The following DTNA variants were observed in gnomAD, a reference collection of about 807,000 sequenced individuals.
DTNA encodes dystrophin-related protein 3.
Under a neutral mutation model 100.7 loss-of-function variants are expected in DTNA, and 43 were observed. That is an observed-to-expected ratio of 0.43 (90% CI 0.33 to 0.55). The LOEUF (loss-of-function observed/expected upper bound fraction) is 0.55, where lower values mean the gene tolerates loss of function less well. Among genes scored for constraint, DTNA ranks in the 20% least tolerant of loss-of-function variants. The probability of loss-of-function intolerance (pLI) is 0.04; values close to 1 mark genes in which losing one functional copy is unlikely to be tolerated. For synonymous variants in DTNA, 349 were observed against 347.9 expected (o/e 1.00, Z -0.04); for missense variants, 798 against 953.9 (o/e 0.84, Z 2.15).
At chr18:34,601,542 G>C (rs1229408572) in intron 1 of DTNA, among the ~76,000 whole-genome samples, 1 of 152,108 alleles carries the variant, frequency 6.6e-6, no homozygotes, top group Non-Finnish European at 1.5e-5. Context: ...AGAGCTCTGA[G>C]GAATTTCTAC....
At chr18:34,599,902 TCCTGA>T in intron 1 of DTNA, among the ~76,000 whole-genome samples, 1 of 152,174 alleles carries the variant, frequency 6.6e-6, no homozygotes, top group South Asian at 2.1e-4. Flanking sequence ...TGATTCGAAC[TCCTGA>T]CCTCAAGCGA....
chr18:34,783,420 T>C (rs888961331), intron 3 of DTNA, among the ~76,000 whole-genome samples: 1 of 152,164 alleles, frequency 6.6e-6, no homozygotes, highest in Non-Finnish European at 1.5e-5. Context: ...TTCATGAAGG[T>C]TTATTACATC....
chr18:34,731,625 ACTGTACTTC>A (rs2088258329), intron 1 of DTNA, among the ~76,000 whole-genome samples: 1 of 152,224 alleles, frequency 6.6e-6, no homozygotes, highest in African/African-American at 2.4e-5. Context: ...GTTTGCAGTA[ACTGTACTTC>A]TTTGAGTATC....
At chr18:34,494,607 A>G (rs1270505466) in intron 1 of DTNA, among the ~76,000 whole-genome samples, 2 of 151,466 alleles carry the variant, frequency 1.3e-5, no homozygotes, top group Non-Finnish European at 2.9e-5. Context: ...TTTGCTGTTT[A>G]GTAGGCTTGG....
At chr18:34,563,731 T>C (rs1040660939) in intron 1 of DTNA, among the ~76,000 whole-genome samples, 1 of 152,208 alleles carries the variant, frequency 6.6e-6, no homozygotes, top group African/African-American at 2.4e-5. Context: ...AAAGTGATAT[T>C]ACTCTCCACT....
chr18:34,596,973 C>G (rs56145131), intron 1 of DTNA, among the ~76,000 whole-genome samples: 12,448 of 151,996 alleles, frequency 0.082, 648 homozygotes, highest in African/African-American at 0.13. Flanking sequence ...ATCTACATCA[C>G]GTATTTCTCC....
At chr18:34,524,471 T>C (rs1303566915) in intron 1 of DTNA, among the ~76,000 whole-genome samples, 1 of 152,118 alleles carries the variant, frequency 6.6e-6, no homozygotes, top group Non-Finnish European at 1.5e-5. Context: ...AAAAAATCTT[T>C]TGGAAGTCAG....
chr18:34,497,031 A>C (rs2039319244), intron 1 of DTNA, among the ~76,000 whole-genome samples: 1 of 152,154 alleles, frequency 6.6e-6, no homozygotes, highest in South Asian at 2.1e-4. Flanking sequence ...CACATGGAAC[A>C]TGTGCTACCT....
At chr18:34,511,151 A>G (rs1026449119) in intron 1 of DTNA, among the ~76,000 whole-genome samples, 22 of 152,134 alleles carry the variant, frequency 1.4e-4, no homozygotes, top group Non-Finnish European at 2.9e-4. Context: ...TAGGATCAGC[A>G]TGAGTAAGGC....
At chr18:34,710,659 A>G (rs1404134370) in intron 1 of DTNA, among the ~76,000 whole-genome samples, 3 of 145,854 alleles carry the variant, frequency 2.1e-5, no homozygotes, top group African/African-American at 8.1e-5. Flanking sequence ...GTTTTATGGC[A>G]GTGTGTGTGT....
chr18:34,606,367 CTATTTCACAACAAAAA>C lies in DTNA; in HGVS notation c.-2+112870_-2+112885del, dbSNP rs1232566874. Among the ~76,000 whole-genome samples the C allele has an allele frequency of 1.9e-4, 29 of 152,228 alleles. 1 individual carries two copies. Among genetic ancestry groups the C allele is most frequent in the East Asian group, 1.3e-3 (7 of 5,186 alleles). ...ACATTTAATGTACTATGTTCTTTGA[CTATTTCACAACAAAAA>C]TATTTCACAACAAAAAATGAGAAAC... On this transcript the variant is annotated intron_variant, in intron 1 of 19. Transcript: ENST00000283365.
chr18:34,709,368 G>A (rs987395279), upstream of DTNA: 2 of 152,210 alleles, frequency 1.3e-5, no homozygotes, highest in Non-Finnish European at 1.5e-5. Flanking sequence ...GAGGGATGAA[G>A]TAGCCATCCC....
intron 1 of DTNA, among the ~76,000 whole-genome samples, chr18:34,608,925 T>A (rs1426511711): frequency 3.3e-5 from 5 of 152,222 alleles, no homozygotes; most frequent in Non-Finnish European, 7.3e-5. Flanking sequence ...GCACGTTGGC[T>A]TAACACTTTC....
intron 17 of DTNA, among the ~76,000 whole-genome samples, chr18:34,871,131 T>C (rs765762979): frequency 6.6e-5 from 10 of 152,200 alleles, no homozygotes; most frequent in Admixed American, 1.3e-4. Flanking sequence ...TCTTCAGGTC[T>C]AGCGGGGAGG....
intron 2 of DTNA, among the ~76,000 whole-genome samples, chr18:34,764,467 C>T (rs899561311): frequency 6.6e-6 from 1 of 152,156 alleles, no homozygotes; most frequent in African/African-American, 2.4e-5. Context: ...AAGGGAATTC[C>T]TGCATTGGGT....
intron 8 of DTNA, among the ~76,000 whole-genome samples, chr18:34,819,181 G>A (rs2095656069): frequency 6.6e-6 from 1 of 152,102 alleles, no homozygotes; most frequent in Non-Finnish European, 1.5e-5. Flanking sequence ...ACCTATTTAT[G>A]AGTTTTTCTA....
chr18:34,562,857 T>C (rs1471759190), intron 1 of DTNA, among the ~76,000 whole-genome samples: 1 of 152,218 alleles, frequency 6.6e-6, no homozygotes, highest in Non-Finnish European at 1.5e-5. Flanking sequence ...AGTGCACAGA[T>C]AATTCTATGC....
intron 4 of DTNA, among the ~76,000 whole-genome samples, chr18:34,805,174 C>T (rs1443879477): frequency 1.3e-5 from 2 of 152,110 alleles, no homozygotes; most frequent in Admixed American, 6.6e-5. Context: ...ACAGTTGATT[C>T]CAGCTGGAAA....
chr18:34,837,747 G>T (rs2096183056), intron 11 of DTNA, among the ~76,000 whole-genome samples: 1 of 152,180 alleles, frequency 6.6e-6, no homozygotes, highest in Admixed American at 6.5e-5. Flanking sequence ...GGATCTAAAG[G>T]CTGGCAGGAC....
Sources: gnomAD v4.1 joint callset for allele counts (sites outside exome capture counted in the v4.1 genomes callset) on GRCh38, gnomAD v4.1.1 for gene constraint, MANE v1.5 for transcripts, NCBI Gene and HGNC (gene_info 2026-07-23, HGNC 2026-07-21) for gene names.